KLHL14: variants seen among roughly 807,000 people sequenced by gnomAD.
KLHL14 encodes the protein kelch like family member 14.
A neutral mutation model predicts 64.3 loss-of-function variants in KLHL14; 22 were observed. The observed-to-expected ratio is 0.34, with a 90% CI of 0.24 to 0.49. The LOEUF (loss-of-function observed/expected upper bound fraction) is 0.49, where lower values mean the gene tolerates loss of function less well. KLHL14 is among the 20% of genes least tolerant of loss of function. The pLI, the probability that KLHL14 is intolerant of heterozygous loss-of-function variation, is 0.99. For synonymous variants in KLHL14, 322 were observed against 333.4 expected, an observed-to-expected ratio of 0.97 and a Z score of 0.37; for missense variants, 661 against 789.0, an observed-to-expected ratio of 0.84 and a Z score of 1.94.
intron 2 of KLHL14, among the ~76,000 whole-genome samples, chr18:32,765,364 C>T (rs1314958270): frequency 1.3e-5 from 2 of 152,054 alleles, no homozygotes; most frequent in African/African-American, 4.8e-5. Flanking sequence ...GGAAAATGTC[C>T]ACTTTTAACA....
rs1318787100 is a variant in KLHL14 at position 32,769,885 on chromosome 18, A to G, written c.707T>C (p.Leu236Pro). 1.2e-6 allele frequency: 2 copies of G among 1,613,896 alleles called. No homozygotes were observed. The highest frequency in any genetic ancestry group is 1.7e-5 in the Admixed American group (1 of 59,998). Residue 236 changes from leucine to proline, a missense_variant, in exon 2 of 9, where the codon CTG (leucine) becomes CCG (proline). Physicochemically the swap from Leu to Pro is moderately conservative, Grantham distance 98. This residue lies in a region of KLHL14 where 331 missense variants were observed against 339.0 expected (regional missense o/e 0.98). Transcript: ENST00000359358. ...DSLPPPVESE[L>P]ALFQMSVLWL... ...CAGCACGGACATCTGGAAGAGCGCC[A>G]GCTCCGACTCCACGGGGGGCGGCAG...
At chr18:32,684,044 T>C (rs558285964) in intron 5 of KLHL14, among the ~76,000 whole-genome samples, 1 of 152,320 alleles carries the variant, frequency 6.6e-6, no homozygotes, top group African/African-American at 2.4e-5. Context: ...TCTATTTTTT[T>C]AGATTAGCTA....
intron 8 of KLHL14, among the ~76,000 whole-genome samples, chr18:32,675,364 T>C (rs1284740513): frequency 6.6e-6 from 1 of 151,966 alleles, no homozygotes; most frequent in African/African-American, 2.4e-5. Context: ...AATACATACA[T>C]AAAAATAATA....
intron 8 of KLHL14, among the ~76,000 whole-genome samples, chr18:32,676,945 C>T (rs1005194733): frequency 2.6e-5 from 4 of 152,092 alleles, no homozygotes; most frequent in African/African-American, 7.2e-5. Context: ...GTCATAGAGA[C>T]AGGAGAGAAG....
intron 3 of KLHL14, among the ~76,000 whole-genome samples, chr18:32,731,531 G>A (rs966567585): frequency 6.6e-6 from 1 of 152,048 alleles, no homozygotes; most frequent in Non-Finnish European, 1.5e-5. Context: ...GATAGCTATT[G>A]GGTACTGAGC....
intron 5 of KLHL14, among the ~76,000 whole-genome samples, chr18:32,686,177 A>ATTTT (rs148393455): frequency 1.6e-4 from 17 of 107,644 alleles, no homozygotes; most frequent in East Asian, 2.7e-4. Flanking sequence ...GTGCCCGGCT[A>ATTTT]TTTTTTTTTT....
chr18:32,753,908 G>A (rs528218003), intron 2 of KLHL14, among the ~76,000 whole-genome samples: 3 of 152,306 alleles, frequency 2.0e-5, no homozygotes, highest in South Asian at 4.2e-4. Flanking sequence ...AGCATAAATT[G>A]CAATGGAAAT....
chr18:32,682,256 A>T (rs2049843611), intron 5 of KLHL14, among the ~76,000 whole-genome samples: 1 of 152,204 alleles, frequency 6.6e-6, no homozygotes, highest in Non-Finnish European at 1.5e-5. Flanking sequence ...ATCATTGATA[A>T]TTTTAGAGCA....
intron 3 of KLHL14, among the ~76,000 whole-genome samples, chr18:32,731,198 A>G (rs1247597577): frequency 6.6e-6 from 1 of 152,248 alleles, no homozygotes; most frequent in Admixed American, 6.5e-5. Flanking sequence ...ATGTCACCAT[A>G]GAGTCATCTC....
At chr18:32,702,334 G>GTT (rs370056549) in intron 3 of KLHL14, among the ~76,000 whole-genome samples, 6,228 of 141,360 alleles carry the variant, frequency 0.044, 440 homozygotes, top group African/African-American at 0.15. Flanking sequence ...GCTCTTAGAG[G>GTT]TTTTTTGTTT....
chr18:32,713,052 A>T (rs1455681208), intron 3 of KLHL14, among the ~76,000 whole-genome samples: 1 of 152,140 alleles, frequency 6.6e-6, no homozygotes, highest in African/African-American at 2.4e-5. Context: ...TCCACACTTA[A>T]TACTTTGTTT....
At chr18:32,735,175 G>T (rs1243749958) in intron 3 of KLHL14, among the ~76,000 whole-genome samples, 3 of 152,086 alleles carry the variant, frequency 2.0e-5, no homozygotes, top group Non-Finnish European at 1.5e-5. Flanking sequence ...TGGGTGAAAT[G>T]GGTCAGCACA....
intron 3 of KLHL14, among the ~76,000 whole-genome samples, chr18:32,714,065 T>C (rs187280756): frequency 1.3e-5 from 2 of 152,310 alleles, no homozygotes; most frequent in African/African-American, 2.4e-5. Flanking sequence ...AAGTAAATTA[T>C]TGATAATTTA....
chr18:32,683,909 A>C lies in KLHL14; in HGVS notation c.1238+3246T>G, dbSNP rs1329364208. On this transcript the variant is annotated intron_variant, in intron 5 of 8. Transcript: ENST00000359358. This position sits in a 1 kb window ranked among gnomAD's most constrained non-coding sequence, Gnocchi z 4.2. ...TCTCCCATTGTTTCTTGTAACACAA[A>C]ATATTACTAGAAAAACAAAATATTT... Among the ~76,000 whole-genome samples, 1 of 152,188 alleles carries C rather than the reference A, an allele frequency of 6.6e-6. No individual in the cohort carries two copies. Among genetic ancestry groups the C allele is most frequent in the African/African-American group, 2.4e-5 (1 of 41,432 alleles).
Position 32,769,881 on chromosome 18 carries a change from C to A in KLHL14, c.711G>T (p.Ala237=), listed in dbSNP as rs377506830. The change falls in exon 2 of 9, where the codon GCG becomes GCT. Residue 237 remains alanine, a synonymous_variant. Transcript: ENST00000359358. ...GCCACAGCACGGACATCTGGAAGAGCGCCAGCTCCGACTCCACGGGGGGCG... is the reference window on the plus strand; with the variant it reads ...GCCACAGCACGGACATCTGGAAGAGAGCCAGCTCCGACTCCACGGGGGGCG... ...SLPPPVESEL[A]LFQMSVLWLE... is the part of the protein sequence containing the mutation. The A allele has an allele frequency of 5.9e-5, 96 of 1,613,898 alleles. No homozygotes were observed. The highest frequency in any genetic ancestry group is 7.8e-5 in the Non-Finnish European group (92 of 1,180,054).
At chr18:32,764,602 AAACT>A (rs1183077328) in intron 2 of KLHL14, among the ~76,000 whole-genome samples, 11 of 152,198 alleles carry the variant, frequency 7.2e-5, no homozygotes, top group African/African-American at 2.7e-4. Context: ...TATAGCCTGA[AAACT>A]AAGAGTGTCT....
At chr18:32,749,843 C>T (rs893918867) in intron 2 of KLHL14, among the ~76,000 whole-genome samples, 1 of 152,116 alleles carries the variant, frequency 6.6e-6, no homozygotes. Context: ...CAGGGACTCA[C>T]AGACATGAGG....
At chr18:32,678,493 A>G (rs890861206) in intron 7 of KLHL14, among the ~76,000 whole-genome samples, 1 of 152,192 alleles carries the variant, frequency 6.6e-6, no homozygotes, top group African/African-American at 2.4e-5. Flanking sequence ...CTGCAACACC[A>G]GAGTATATTC....
At chr18:32,705,631 G>A (rs1421758385) in intron 3 of KLHL14, among the ~76,000 whole-genome samples, 1 of 152,176 alleles carries the variant, frequency 6.6e-6, no homozygotes, top group Non-Finnish European at 1.5e-5. Context: ...GCTGAGGCAG[G>A]AGAATCACTT....
Sources: allele counts gnomAD v4.1 joint callset (sites outside exome capture counted in the v4.1 genomes callset), GRCh38; gene constraint gnomAD v4.1.1; regional missense constraint gnomAD v4.1.1; non-coding constraint Gnocchi (gnomAD v3.1); transcripts MANE v1.5; gene names NCBI Gene and HGNC (gene_info 2026-07-23, HGNC 2026-07-21).